IL1RAPL1: variants seen among roughly 807,000 people sequenced by gnomAD.
IL1RAPL1 encodes interleukin-1 receptor accessory protein-like 1.
In IL1RAPL1, 3 loss-of-function variants were observed where a neutral mutation model predicts 48.4. The observed-to-expected ratio is 0.06, with a 90% confidence interval of 0.03 to 0.16. The LOEUF (loss-of-function observed/expected upper bound fraction) is 0.16, where lower values mean the gene tolerates loss of function less well. IL1RAPL1 is among the 10% of genes least tolerant of loss of function. The pLI, the probability that IL1RAPL1 is intolerant of heterozygous loss-of-function variation, is 1.00. For synonymous variants in IL1RAPL1, 185 were observed against 187.7 expected, an observed-to-expected ratio of 0.99 and a Z score of 0.12; for missense variants, 349 against 530.6, an observed-to-expected ratio of 0.66 and a Z score of 3.36.
intron 2 of IL1RAPL1, among the ~76,000 whole-genome samples, chrX:28,814,676 A>G (rs1032803244): frequency 5.4e-5 from 6 of 110,387 alleles, no homozygotes; most frequent in Admixed American, 4.9e-4. Flanking sequence ...AGGCCCATTT[A>G]TTGTGATTAT....
intron 5 of IL1RAPL1, chrX:29,574,253 AG>A (rs1922698885): frequency 1.8e-5 from 2 of 109,492 alleles, no homozygotes; most frequent in African/African-American, 6.7e-5. Context: ...GAGAACAGCA[AG>A]GGGAAAATCT....
chrX:28,594,591 C>G (rs16988275), intron 1 of IL1RAPL1, among the ~76,000 whole-genome samples: 8,707 of 111,227 alleles, frequency 0.078, 276 homozygotes, highest in African/African-American at 0.12. Flanking sequence ...TTTGTTGGCT[C>G]TCTCATGATG....
intron 1 of IL1RAPL1, among the ~76,000 whole-genome samples, chrX:28,745,851 T>A (rs904428198): frequency 1.8e-5 from 2 of 111,866 alleles, no homozygotes; most frequent in Admixed American, 1.9e-4. Context: ...CATTTCTACA[T>A]GTGTAGTTGA....
chrX:29,367,629 G>A (rs1227543550), intron 3 of IL1RAPL1, among the ~76,000 whole-genome samples: 1 of 106,984 alleles, frequency 9.3e-6, no homozygotes, highest in African/African-American at 3.4e-5. Context: ...CACCCATGCT[G>A]GAGTGCAGTG....
chrX:29,730,565 C>G (rs748191699), intron 6 of IL1RAPL1, among the ~76,000 whole-genome samples: 6 of 112,217 alleles, frequency 5.3e-5, no homozygotes, highest in African/African-American at 1.9e-4. Flanking sequence ...CATGATGTGT[C>G]ACTTTTTAGG....
At chrX:29,456,998 G>T (rs1934746637) in intron 5 of IL1RAPL1, among the ~76,000 whole-genome samples, 1 of 108,955 alleles carries the variant, frequency 9.2e-6, no homozygotes, top group Non-Finnish European at 1.9e-5. Context: ...GCCATGCATG[G>T]TGGCATGCGC....
chrX:29,940,703 G>GA (rs935152967), intron 8 of IL1RAPL1, among the ~76,000 whole-genome samples: 20 of 111,245 alleles, frequency 1.8e-4, no homozygotes, highest in Non-Finnish European at 3.2e-4. Context: ...TCTAAAGAAG[G>GA]AAAAAATAAC....
At chrX:28,700,107 A>G (rs921489353) in intron 1 of IL1RAPL1, among the ~76,000 whole-genome samples, 22 of 111,501 alleles carry the variant, frequency 2.0e-4, no homozygotes, top group African/African-American at 7.2e-4. Context: ...ACCATTTTGA[A>G]AAGTTAAAAG....
intron 2 of IL1RAPL1, among the ~76,000 whole-genome samples, chrX:28,875,710 A>C (rs967070550): frequency 4.5e-5 from 5 of 111,294 alleles, no homozygotes; most frequent in African/African-American, 1.6e-4. Context: ...TTTTCTTGAG[A>C]AACTCATATT....
In IL1RAPL1 at chrX:29,890,978, A is replaced by C. The variant is rs187160556; in HGVS notation, c.779-26486A>C. On this transcript the variant is annotated intron_variant, in intron 6 of 10. Coordinates refer to ENST00000378993, the MANE Select transcript of IL1RAPL1 (RefSeq NM_014271.4). ...CCTGCTGTGCATCTGAGTCATGAGG[A>C]AAGTTTGTGAAATAGATTCTTGGTT... Among the ~76,000 whole-genome samples the C allele has an allele frequency of 7.1e-5, 8 of 112,048 alleles. No individual in the cohort carries two copies. In the East Asian group the frequency reaches 2.0e-3, roughly 28 times the overall value.
chrX:29,550,916 A>G (rs186583480), intron 5 of IL1RAPL1, among the ~76,000 whole-genome samples: 2 of 112,210 alleles, frequency 1.8e-5, no homozygotes, highest in African/African-American at 6.5e-5. Flanking sequence ...TACAACCATT[A>G]CTACCGTCAT....
At chrX:29,652,500 T>G (rs759364777) in intron 5 of IL1RAPL1, among the ~76,000 whole-genome samples, 18 of 111,553 alleles carry the variant, frequency 1.6e-4, no homozygotes, top group Non-Finnish European at 3.2e-4. Flanking sequence ...TCTAAATGAT[T>G]CCAAGAAAGT....
At chrX:29,354,744 G>A (rs905282505) in intron 3 of IL1RAPL1, among the ~76,000 whole-genome samples, 1 of 112,309 alleles carries the variant, frequency 8.9e-6, no homozygotes, top group Admixed American at 9.5e-5. Context: ...ATAAGTCCAG[G>A]ATTATTTGTT....
At chrX:29,840,553 C>G (rs1471961817) in intron 6 of IL1RAPL1, among the ~76,000 whole-genome samples, 1 of 112,147 alleles carries the variant, frequency 8.9e-6, no homozygotes, top group Non-Finnish European at 1.9e-5. Flanking sequence ...ACTTCTACCT[C>G]TATTATTTTA....
intron 5 of IL1RAPL1, among the ~76,000 whole-genome samples, chrX:29,549,777 AAACTT>A (rs1921744249): frequency 8.9e-6 from 1 of 112,165 alleles, no homozygotes; most frequent in Non-Finnish European, 1.9e-5. Context: ...GTTGGGATGA[AAACTT>A]GACTTCTTTA....
At chrX:28,863,693 T>A (rs1922008129) in intron 2 of IL1RAPL1, among the ~76,000 whole-genome samples, 1 of 111,822 alleles carries the variant, frequency 8.9e-6, no homozygotes, top group Admixed American at 9.5e-5. Context: ...TAGATTTCAA[T>A]TTATCAACCA....
rs746954519 is a variant in IL1RAPL1, at chrX:29,046,865, T to C, written c.83-236073T>C. 9.8e-5 allele frequency among the ~76,000 whole-genome samples: 11 copies of C among 112,309 alleles called. No individual in the cohort carries two copies. The East Asian group carries it at 3.1e-3, about 32-fold the overall frequency. On this transcript the variant is annotated intron_variant, in intron 2 of 10. Transcript: ENST00000378993. Reference sequence around the variant, plus strand: ...CAATAGGCTTGAATGGCTAAAGTGCTCACAGCCATCTTCCTGTCTCACTAA... The same window carrying C: ...CAATAGGCTTGAATGGCTAAAGTGCCCACAGCCATCTTCCTGTCTCACTAA...
At chrX:29,760,587 T>C (rs895428879) in intron 6 of IL1RAPL1, among the ~76,000 whole-genome samples, 3 of 111,654 alleles carry the variant, frequency 2.7e-5, no homozygotes, top group Non-Finnish European at 5.6e-5. Context: ...TACCTGTGGG[T>C]ATGTCCTGGA....
rs1555978818 is a variant in IL1RAPL1, at chrX:29,230,522, A to AAAAAAAAAC, written c.83-52408_83-52407insCAAAAAAAA. On this transcript the variant is annotated intron_variant, in intron 2 of 10. Coordinates refer to ENST00000378993, the MANE Select transcript of IL1RAPL1 (RefSeq NM_014271.4). ...CCTTTACCAAAAAAAAAAAAAAAAA[A>AAAAAAAAAC]AAAAAAAAAAAAACCTTGTTGTCTC... 1.9e-3 allele frequency among the ~76,000 whole-genome samples: 169 copies of AAAAAAAAAC among 90,806 alleles called. 3 individuals are homozygous for AAAAAAAAAC. The highest frequency in any genetic ancestry group is 5.4e-3 in the Middle Eastern group (1 of 184). The allele number at this position is 90,806 out of a possible 115,157, so 78.9% of individuals were successfully genotyped here. A position where few individuals can be genotyped will look rare whatever the true frequency, so the allele number is the denominator to read the frequency against.
Sources: allele counts gnomAD v4.1 joint callset (sites outside exome capture counted in the v4.1 genomes callset), GRCh38; gene constraint gnomAD v4.1.1; transcripts MANE v1.5; gene names NCBI Gene and HGNC (gene_info 2026-07-23, HGNC 2026-07-21).